Variants in KIAA1328 observed in about 807,000 individuals in gnomAD.
KIAA1328 encodes the protein KIAA1328, also known as protein hinderin.
Under a neutral mutation model 68.1 loss-of-function variants are expected in KIAA1328, and 52 were observed. The ratio of observed to expected loss-of-function variants is 0.76; its 90% CI spans 0.61 to 0.96. The LOEUF (loss-of-function observed/expected upper bound fraction) is 0.96. Among genes scored for constraint, KIAA1328 ranks in the 40% least tolerant of loss-of-function variants. The pLI is 0.00. For synonymous variants in KIAA1328, 232 were observed against 239.4 expected, an observed-to-expected ratio of 0.97 and a Z score of 0.28; for missense variants, 641 against 677.6, an observed-to-expected ratio of 0.95 and a Z score of 0.60.
At chr18:36,850,149 T>G (rs1285981886) in intron 4 of KIAA1328, among the ~76,000 whole-genome samples, 1 of 152,056 alleles carries the variant, frequency 6.6e-6, no homozygotes, top group African/African-American at 2.4e-5. Context: ...CTGTGCGTTG[T>G]TTTTTCACTT....
At chr18:36,847,026 A>G (rs997434260) in intron 4 of KIAA1328, among the ~76,000 whole-genome samples, 1 of 151,588 alleles carries the variant, frequency 6.6e-6, no homozygotes, top group African/African-American at 2.4e-5. Context: ...GTGAAATCAT[A>G]CAATATTTGA....
chr18:37,076,456 T>C (rs1207352453), intron 7 of KIAA1328, among the ~76,000 whole-genome samples: 1 of 151,740 alleles, frequency 6.6e-6, no homozygotes, highest in East Asian at 1.9e-4. Flanking sequence ...ATTCAAAAGC[T>C]AGCAGAAGAC....
chr18:37,010,798 A>G (rs888510182), intron 6 of KIAA1328, among the ~76,000 whole-genome samples: 4 of 152,202 alleles, frequency 2.6e-5, no homozygotes, highest in Non-Finnish European at 5.9e-5. Context: ...ATTTGAGATT[A>G]TACCACACTG....
intron 5 of KIAA1328, among the ~76,000 whole-genome samples, chr18:36,910,469 C>G (rs1458642473): frequency 6.6e-6 from 1 of 152,004 alleles, no homozygotes; most frequent in African/African-American, 2.4e-5. Context: ...CTGTTCTGTT[C>G]CATTGGTCTA....
Position 36,977,508 on chromosome 18 carries a change from C to T in KIAA1328, c.576+18073C>T, listed in dbSNP as rs143504808. 3.6e-3 allele frequency among the ~76,000 whole-genome samples: 547 copies of T among 152,200 alleles called. 2 individuals carry two copies. The highest frequency in any genetic ancestry group is 5.9e-3 in the Non-Finnish European group (403 of 68,004). ...GACAGATTGAGTGACTGCTGTTTCC[C>T]GATACTCTTACATGTCTACTCTTAC... On this transcript the variant is annotated intron_variant, in intron 6 of 9. Coordinates refer to ENST00000280020, the MANE Select transcript of KIAA1328 (RefSeq NM_020776.3).
intron 5 of KIAA1328, 95 bp from the exon 6 acceptor site, chr18:36,959,213 T>A (rs1331206522): frequency 4.3e-6 from 5 of 1,168,208 alleles, no homozygotes; most frequent in Non-Finnish European, 5.8e-6. Context: ...ATTGCATTTC[T>A]GGTTCTGTTT....
intron 5 of KIAA1328, among the ~76,000 whole-genome samples, chr18:36,890,171 C>G (rs575474830): frequency 6.6e-6 from 1 of 151,388 alleles, no homozygotes; most frequent in East Asian, 1.9e-4. Flanking sequence ...ATTTTAGAAA[C>G]TTTGCTCTTC....
chr18:36,916,388 A>G (rs2049701089), intron 5 of KIAA1328, among the ~76,000 whole-genome samples: 1 of 151,984 alleles, frequency 6.6e-6, no homozygotes, highest in Admixed American at 6.6e-5. Context: ...GAAATTTTTC[A>G]TTTCAGATAT....
At chr18:37,198,525 A>C (rs2060045602) in intron 9 of KIAA1328, among the ~76,000 whole-genome samples, 1 of 152,186 alleles carries the variant, frequency 6.6e-6, no homozygotes, top group South Asian at 2.1e-4. Flanking sequence ...ATTGGAATCA[A>C]CTGAGAAATG....
At chr18:37,147,515 C>A (rs1188598041) in intron 7 of KIAA1328, among the ~76,000 whole-genome samples, 2 of 151,992 alleles carry the variant, frequency 1.3e-5, no homozygotes, top group Non-Finnish European at 2.9e-5. Flanking sequence ...CAGTTAGTCA[C>A]CTTTGAACTT....
intron 9 of KIAA1328, among the ~76,000 whole-genome samples, chr18:37,208,448 A>T (rs1273012396): frequency 6.6e-6 from 1 of 152,220 alleles, no homozygotes; most frequent in Non-Finnish European, 1.5e-5. Context: ...CATTCTTGTG[A>T]TGCTGACATT....
chr18:36,944,304 C>T (rs1056411574), intron 5 of KIAA1328, among the ~76,000 whole-genome samples: 12 of 152,100 alleles, frequency 7.9e-5, no homozygotes, highest in Admixed American at 3.3e-4. Flanking sequence ...GGGGGCCAGG[C>T]GCGGTGGCTC....
chr18:37,209,983 A>G (rs1034614891), intron 9 of KIAA1328, among the ~76,000 whole-genome samples: 1 of 152,194 alleles, frequency 6.6e-6, no homozygotes, highest in Non-Finnish European at 1.5e-5. Context: ...GCATTCTTTC[A>G]TTTAAAAGGC....
chr18:37,048,305 T>C (rs1249454943), intron 6 of KIAA1328, among the ~76,000 whole-genome samples: 2 of 152,238 alleles, frequency 1.3e-5, no homozygotes, highest in East Asian at 1.9e-4. Flanking sequence ...AAGCCCTGCT[T>C]GTCCCAGATT....
intron 7 of KIAA1328, among the ~76,000 whole-genome samples, chr18:37,119,558 C>G (rs1282485255): frequency 6.6e-6 from 1 of 152,122 alleles, no homozygotes; most frequent in African/African-American, 2.4e-5. Flanking sequence ...TCCAGTGTCT[C>G]TCTATATAAG....
intron 6 of KIAA1328, among the ~76,000 whole-genome samples, chr18:37,021,084 C>G (rs1016121375): frequency 6.6e-6 from 1 of 152,202 alleles, no homozygotes; most frequent in Non-Finnish European, 1.5e-5. Context: ...AATGAAGACT[C>G]ACAATAGCCA....
Position 37,084,476 on chromosome 18 carries a change from G to C in KIAA1328, c.1232+16931G>C, listed in dbSNP as rs199558982. On this transcript the variant is annotated intron_variant, in intron 7 of 9. Coordinates refer to ENST00000280020, the MANE Select transcript of KIAA1328 (RefSeq NM_020776.3). ...TTCTACTATTTCTTTTTTGTTTTTT[G>C]TTTTTTTTTTTTTTTTGGTGCGGTA... 25 of 130,270 alleles carry C rather than the reference G, an allele frequency of 1.9e-4. No individual in the cohort carries two copies. The East Asian group carries it at 4.5e-3, about 23-fold the overall frequency. The allele number at this position is 130,270 out of a possible 1,614,324, so 8.1% of individuals were successfully genotyped here. A position where few individuals can be genotyped will look rare whatever the true frequency, so the allele number is the denominator to read the frequency against.
chr18:37,125,657 G>A (rs2058372082), intron 7 of KIAA1328, among the ~76,000 whole-genome samples: 1 of 152,144 alleles, frequency 6.6e-6, no homozygotes, highest in South Asian at 2.1e-4. Flanking sequence ...TCTCAAGAGC[G>A]AAAGCAGAGG....
intron 8 of KIAA1328, among the ~76,000 whole-genome samples, chr18:37,165,534 C>T (rs1251384277): frequency 2.0e-5 from 3 of 151,586 alleles, no homozygotes; most frequent in African/African-American, 7.3e-5. Flanking sequence ...GTTCTCCCGC[C>T]TCAGCCTCCT....
Sources: gnomAD v4.1 joint callset for allele counts (sites outside exome capture counted in the v4.1 genomes callset) on GRCh38, gnomAD v4.1.1 for gene constraint, MANE v1.5 for transcripts, NCBI Gene and HGNC (gene_info 2026-07-23, HGNC 2026-07-21) for gene names.